AKR1C2: variants seen among roughly 807,000 people sequenced by gnomAD.
The protein encoded by AKR1C2 is 3-alpha-HSD3.
Under a neutral mutation model 39.8 loss-of-function variants are expected in AKR1C2, and 27 were observed. The ratio of observed to expected loss-of-function variants is 0.68; its 90% CI spans 0.50 to 0.93. AKR1C2 has a LOEUF of 0.93. Ranked by LOEUF, AKR1C2 falls within the 40% of genes least tolerant of loss-of-function variation. The probability of loss-of-function intolerance (pLI) is 0.00; values close to 1 mark genes in which losing one functional copy is unlikely to be tolerated. For synonymous variants in AKR1C2, 114 were observed against 137.9 expected, an observed-to-expected ratio of 0.83 and a Z score of 1.22; for missense variants, 263 against 365.1, an observed-to-expected ratio of 0.72 and a Z score of 2.28.
At chr10:5,014,025 C>G (rs551325278) in intron 1 of AKR1C2, among the ~76,000 whole-genome samples, 1 of 152,122 alleles carries the variant, frequency 6.6e-6, no homozygotes, top group African/African-American at 2.4e-5. Flanking sequence ...TATTATTGCA[C>G]GTATCTGAAT....
chr10:4,991,115 C>T (rs376929545), intron 8 of AKR1C2, among the ~76,000 whole-genome samples: 5 of 151,122 alleles, frequency 3.3e-5, no homozygotes, highest in African/African-American at 9.9e-5. Flanking sequence ...ACGTCTGTTA[C>T]TGGTTATAAA....
chr10:5,009,050 G>A (rs144370038), intron 1 of AKR1C2, among the ~76,000 whole-genome samples: 5,984 of 152,152 alleles, frequency 0.039, 370 homozygotes, highest in African/African-American at 0.14. Context: ...GCCAAAAGCC[G>A]TGCAGGAGGA....
Position 4,989,808 on chromosome 10 carries a change from T to C in AKR1C2, c.*188A>G. The stretch of plus-strand genomic sequence containing the variant: ...ATCTTTAGGAGAGAGCATTTAATTT[T>C]TTCAAAATGAAAAACAAAATTATTG... On this transcript the variant is annotated 3_prime_UTR_variant, in exon 9 of 9. Transcript: ENST00000380753. The C allele has an allele frequency of 1.2e-6, 1 of 834,228 alleles. No homozygotes were observed. Among genetic ancestry groups the C allele is most frequent in the Non-Finnish European group, 1.9e-6 (1 of 538,406 alleles). 51.7% of individuals were successfully genotyped at this position (834,228 alleles called of 1,614,324 possible).
Position 5,001,656 on chromosome 10 carries a change from G to T in AKR1C2, c.110C>A (p.Ala37Asp), listed in dbSNP as rs547435513. The T allele has an allele frequency of 6.2e-7, 1 of 1,613,798 alleles. No homozygotes were observed. The highest frequency in any genetic ancestry group is 8.5e-7 in the Non-Finnish European group (1 of 1,179,788). Reference sequence around the variant, plus strand: ...CCCGGCTTCTATTGCCAATTTGACGGCCTCTAGAGCTTTACTTTTAGGAAC... The same window carrying T: ...CCCGGCTTCTATTGCCAATTTGACGTCCTCTAGAGCTTTACTTTTAGGAAC... ...AEVPKSKALE[A>D]VKLAIEAGFH... Residue 37 changes from alanine (A) to aspartate (D), a missense_variant, in exon 2 of 9, where the codon GCC becomes GAC. By Grantham distance (126) the Ala-to-Asp change is moderately radical. This residue lies in a region of AKR1C2 where 247 missense variants were observed against 267.9 expected (regional missense o/e 0.92). Coordinates refer to ENST00000380753, the MANE Select transcript of AKR1C2 (RefSeq NM_001393392.1).
intron 1 of AKR1C2, among the ~76,000 whole-genome samples, chr10:5,009,576 A>G (rs1274123863): frequency 6.6e-6 from 1 of 151,268 alleles, no homozygotes; most frequent in Non-Finnish European, 1.5e-5. Context: ...GACAGGAGAC[A>G]GGGAAATACT....
intron 1 of AKR1C2, among the ~76,000 whole-genome samples, chr10:5,009,770 G>A (rs1261013512): frequency 3.8e-4 from 58 of 152,168 alleles, no homozygotes; most frequent in Admixed American, 5.2e-4. Context: ...CAGCAGGTGA[G>A]GAGACAAGGA....
intron 1 of AKR1C2, among the ~76,000 whole-genome samples, chr10:5,011,476 C>A (rs2398170): frequency 6.6e-6 from 1 of 152,212 alleles, no homozygotes. Context: ...ACCTAGACTT[C>A]ACTACAGATC....
chr10:5,008,022 C>T (rs574408896), upstream of AKR1C2, among the ~76,000 whole-genome samples: 124 of 151,562 alleles, frequency 8.2e-4, 1 homozygote, highest in African/African-American at 3.0e-3. Context: ...TTGGGAAGCA[C>T]TGTACCTGTG....
chr10:5,008,049 C>G (rs1294019223), upstream of AKR1C2, among the ~76,000 whole-genome samples: 1 of 151,534 alleles, frequency 6.6e-6, no homozygotes, highest in East Asian at 1.9e-4. Context: ...CAGGGTGCAG[C>G]CCACATGGCT....
At chr10:5,004,418 T>G (rs1359527578), upstream of AKR1C2, among the ~76,000 whole-genome samples, 1 of 152,162 alleles carries the variant, frequency 6.6e-6, no homozygotes, top group Non-Finnish European at 1.5e-5. Context: ...GAAACATCCC[T>G]TCCTGATCAA....
intron 1 of AKR1C2, among the ~76,000 whole-genome samples, chr10:5,016,606 C>G (rs1554775368): frequency 6.6e-6 from 1 of 152,224 alleles, no homozygotes; most frequent in African/African-American, 2.4e-5. Context: ...CATTGAGTGT[C>G]TGCAGCTTTT....
At chr10:5,001,803 A>G (rs1369069208) in intron 1 of AKR1C2, 122 bp from the exon 2 acceptor site, 2 of 1,311,056 alleles carry the variant, frequency 1.5e-6, no homozygotes, top group African/African-American at 3.0e-5. Flanking sequence ...CTGTATGTAG[A>G]ATCATAAGCC....
chr10:5,002,708 A>C (rs1837309540), intron 1 of AKR1C2, among the ~76,000 whole-genome samples: 1 of 152,222 alleles, frequency 6.6e-6, no homozygotes, highest in Non-Finnish European at 1.5e-5. Context: ...TCCCACCTTG[A>C]AAGTATTTCA....
intron 1 of AKR1C2, among the ~76,000 whole-genome samples, chr10:5,015,674 C>T (rs1261434618): frequency 6.6e-6 from 1 of 152,140 alleles, no homozygotes; most frequent in Non-Finnish European, 1.5e-5. Context: ...CGGCCAAGAG[C>T]AGAGCATGGA....
intron 1 of AKR1C2, among the ~76,000 whole-genome samples, chr10:5,013,801 A>G (rs1358384340): frequency 1.3e-5 from 2 of 152,242 alleles, no homozygotes; most frequent in African/African-American, 4.8e-5. Flanking sequence ...TCACCAGTAT[A>G]CATATATTAC....
chr10:4,999,313 G>A (rs563756375), intron 3 of AKR1C2, 36 bp from the exon 4 acceptor site: 34 of 1,513,008 alleles, frequency 2.2e-5, no homozygotes, highest in Non-Finnish European at 2.1e-5. Flanking sequence ...GATGTCACAA[G>A]TCAATTTCTC....
chr10:5,017,207 C>A (rs116774301), intron 1 of AKR1C2, among the ~76,000 whole-genome samples: 2,157 of 152,316 alleles, frequency 0.014, 51 homozygotes, highest in African/African-American at 0.048. Flanking sequence ...TCTGCAACCA[C>A]CTTGAATTCT....
At chr10:5,002,330 G>C (rs1837298818) in intron 1 of AKR1C2, among the ~76,000 whole-genome samples, 1 of 152,172 alleles carries the variant, frequency 6.6e-6, no homozygotes, top group Non-Finnish European at 1.5e-5. Context: ...TATCAGTTAG[G>C]AAACAGGGAG....
At chr10:4,991,332 TA>T (rs1175028777) in intron 8 of AKR1C2, among the ~76,000 whole-genome samples, 2 of 151,990 alleles carry the variant, frequency 1.3e-5, no homozygotes, top group Non-Finnish European at 2.9e-5. Context: ...TTGAAATGAT[TA>T]AAAATGCTAA....
Sources: gnomAD v4.1 joint callset for allele counts (sites outside exome capture counted in the v4.1 genomes callset) on GRCh38, gnomAD v4.1.1 for gene constraint, gnomAD v4.1.1 regional missense constraint, MANE v1.5 for transcripts, NCBI Gene and HGNC (gene_info 2026-07-23, HGNC 2026-07-21) for gene names.